Variants in TENM3 observed in about 807,000 individuals in gnomAD.
TENM3 encodes the protein teneurin transmembrane protein 3, also known as teneurin-3.
TENM3 carries 63 observed loss-of-function variants against 255.1 expected under a neutral mutation model. The observed-to-expected ratio is 0.25, with a 90% CI of 0.20 to 0.30. The LOEUF is 0.30. Ranked by LOEUF, TENM3 falls within the 10% of genes least tolerant of loss-of-function variation. TENM3 has a pLI of 1.00. For synonymous variants in TENM3, 1,306 were observed against 1,322.3 expected, an observed-to-expected ratio of 0.99 and a Z score of 0.27; for missense variants, 2,929 against 3,461.1, an observed-to-expected ratio of 0.85 and a Z score of 3.86.
At chr4:182,085,279 A>G in the TENM3 span, 1 of 152,146 alleles carries the variant, frequency 6.6e-6, no homozygotes. Context: ...TCTCAGCAGG[A>G]TAGATTTTTA....
intron 5 of TENM3, 54 bp from the exon 6 acceptor site, chr4:182,653,717 C>A: frequency 6.5e-7 from 1 of 1,527,536 alleles, no homozygotes; most frequent in Non-Finnish European, 8.8e-7. Flanking sequence ...TTAGCAATTG[C>A]CGTTGTAGCT....
the TENM3 span, among the ~76,000 whole-genome samples, chr4:181,957,836 G>A: frequency 2.0e-5 from 3 of 152,106 alleles, no homozygotes; most frequent in Admixed American, 6.6e-5. Context: ...GTGGCTCAGC[G>A]CACTAAATGT....
chr4:182,250,910 C>T (rs1476007327), intron 1 of TENM3, among the ~76,000 whole-genome samples: 5 of 152,150 alleles, frequency 3.3e-5, no homozygotes, highest in East Asian at 1.9e-4. Flanking sequence ...TTTAATGGTG[C>T]GGCATTTCAG....
intron 3 of TENM3, among the ~76,000 whole-genome samples, chr4:182,475,037 A>G (rs1733535438): frequency 6.6e-6 from 1 of 152,164 alleles, no homozygotes; most frequent in Non-Finnish European, 1.5e-5. Flanking sequence ...CCCCCATATA[A>G]GTCCTCTGAA....
At chr4:182,511,491 C>T (rs187581284) in intron 3 of TENM3, among the ~76,000 whole-genome samples, 2 of 152,128 alleles carry the variant, frequency 1.3e-5, no homozygotes, top group Admixed American at 6.5e-5. Flanking sequence ...CTGGATTTGT[C>T]TGCTTCAACT....
intron 1 of TENM3, among the ~76,000 whole-genome samples, chr4:182,274,885 G>T (rs1759889615): frequency 6.6e-6 from 1 of 152,046 alleles, no homozygotes; most frequent in South Asian, 2.1e-4. Flanking sequence ...GTACAGTGGT[G>T]CCATCTTAGC....
the TENM3 span, among the ~76,000 whole-genome samples, chr4:181,559,183 C>A: frequency 3.3e-5 from 5 of 151,888 alleles, no homozygotes; most frequent in Non-Finnish European, 7.4e-5. Flanking sequence ...CCACTAATGA[C>A]GAAGGGAAAA....
At chr4:181,685,482 T>G in the TENM3 span, among the ~76,000 whole-genome samples, 1 of 152,204 alleles carries the variant, frequency 6.6e-6, no homozygotes, top group African/African-American at 2.4e-5. Flanking sequence ...TAATGTTTGG[T>G]TAAATCCACT....
At chr4:182,388,609 C>T (rs988312054) in intron 3 of TENM3, among the ~76,000 whole-genome samples, 2 of 152,208 alleles carry the variant, frequency 1.3e-5, no homozygotes, top group East Asian at 3.9e-4. Flanking sequence ...GCTTTTCAAA[C>T]ATCTACATCC....
chr4:182,095,976 A>G, the TENM3 span, among the ~76,000 whole-genome samples: 1 of 152,126 alleles, frequency 6.6e-6, no homozygotes, highest in Admixed American at 6.5e-5. Context: ...AAAAAACAGA[A>G]TAAATATCCA....
the TENM3 span, among the ~76,000 whole-genome samples, chr4:181,614,232 A>T: frequency 6.6e-6 from 1 of 152,182 alleles, no homozygotes; most frequent in Non-Finnish European, 1.5e-5. Flanking sequence ...AATTACTAAT[A>T]TAAGCTATTA....
chr4:182,097,455 C>T, the TENM3 span, among the ~76,000 whole-genome samples: 7 of 152,082 alleles, frequency 4.6e-5, no homozygotes, highest in Non-Finnish European at 1.0e-4. Flanking sequence ...TCCAGCCTAC[C>T]GACCCCTTCT....
chr4:181,522,184 G>A, the TENM3 span, among the ~76,000 whole-genome samples: 13,861 of 148,090 alleles, frequency 0.094, 729 homozygotes, highest in East Asian at 0.2. Context: ...TATGTATAGA[G>A]CAGATACATC....
chr4:181,452,201 G>T, the TENM3 span, among the ~76,000 whole-genome samples: 1 of 152,208 alleles, frequency 6.6e-6, no homozygotes, highest in African/African-American at 2.4e-5. Context: ...TTCTATGGAT[G>T]ATAAAGAATA....
chr4:182,181,911 G>A (rs1379401786), intron 1 of TENM3, among the ~76,000 whole-genome samples: 1 of 146,584 alleles, frequency 6.8e-6, no homozygotes, highest in Non-Finnish European at 1.5e-5. Context: ...TTTAATTTTT[G>A]TTTTTAGTTT....
At chr4:182,311,035 C>A (rs982504954) in intron 1 of TENM3, among the ~76,000 whole-genome samples, 9 of 152,152 alleles carry the variant, frequency 5.9e-5, no homozygotes, top group Non-Finnish European at 1.3e-4. Flanking sequence ...GTACAGCTAC[C>A]AAGGCTGTGA....
chr4:182,790,694 A>G (rs890529116), intron 25 of TENM3, among the ~76,000 whole-genome samples: 1 of 152,184 alleles, frequency 6.6e-6, no homozygotes, highest in Non-Finnish European at 1.5e-5. Flanking sequence ...CCCTAACGCA[A>G]TGTTTCTAAG....
the TENM3 span, among the ~76,000 whole-genome samples, chr4:181,898,748 CAT>C: frequency 4.6e-5 from 7 of 152,072 alleles, no homozygotes; most frequent in African/African-American, 1.7e-4. Context: ...TTTCATCTGT[CAT>C]GTGTGTGTGA....
chr4:182,689,897 T>C (rs530604500), intron 12 of TENM3, among the ~76,000 whole-genome samples: 1 of 152,316 alleles, frequency 6.6e-6, no homozygotes, highest in East Asian at 1.9e-4. Context: ...TTAATGTATG[T>C]TTTGTGTGGT....
Sources: allele counts gnomAD v4.1 joint callset (sites outside exome capture counted in the v4.1 genomes callset), GRCh38; gene constraint gnomAD v4.1.1; transcripts MANE v1.5; gene names NCBI Gene and HGNC (gene_info 2026-07-23, HGNC 2026-07-21).